The following PAN3 variants were observed in gnomAD, a reference collection of about 807,000 sequenced individuals.
PAN3 encodes the protein PAN2-PAN3 deadenylation complex subunit PAN3.
A neutral mutation model predicts 96.2 loss-of-function variants in PAN3; 19 were observed. The ratio of observed to expected loss-of-function variants is 0.20; its 90% CI spans 0.14 to 0.29. PAN3 has a LOEUF of 0.29. PAN3 is among the 10% of genes least tolerant of loss of function. The pLI, the probability that PAN3 is intolerant of heterozygous loss-of-function variation, is 1.00. For missense variants in PAN3, 882 were observed against 1,108.1 expected (o/e 0.80, Z 2.90); for synonymous variants, 433 against 406.6 (o/e 1.06, Z -0.78).
In PAN3 at chr13:28,283,138, T is replaced by A. The variant is rs1485760733; in HGVS notation, c.2384+1759T>A. On this transcript the variant is annotated intron_variant, in intron 17 of 18. Coordinates refer to ENST00000380958, the MANE Select transcript of PAN3 (RefSeq NM_175854.8). Reference sequence around the variant, plus strand: ...TTCTTGGCTCTCTGCAACCCTCGCCTCCCAGGATCAAGCGATTCTCCTGCC... The same window carrying A: ...TTCTTGGCTCTCTGCAACCCTCGCCACCCAGGATCAAGCGATTCTCCTGCC... Among the ~76,000 whole-genome samples the A allele has an allele frequency of 2.0e-5, 3 of 151,976 alleles. No homozygotes were observed. In the East Asian group the frequency reaches 5.8e-4, roughly 29 times the overall value.
intron 18 of PAN3, among the ~76,000 whole-genome samples, chr13:28,289,610 A>T (rs148358028): frequency 6.6e-6 from 1 of 152,190 alleles, no homozygotes; most frequent in Non-Finnish European, 1.5e-5. Flanking sequence ...GGCTAGGCGC[A>T]GTAGCTCGCG....
At chr13:28,179,648 G>A (rs1875505865) in intron 4 of PAN3, among the ~76,000 whole-genome samples, 2 of 150,848 alleles carry the variant, frequency 1.3e-5, no homozygotes, top group African/African-American at 2.4e-5. Flanking sequence ...AGGCTGCAGT[G>A]AGCCAAGATC....
intron 6 of PAN3, among the ~76,000 whole-genome samples, chr13:28,222,597 A>G (rs1477119299): frequency 2.0e-5 from 3 of 152,288 alleles, no homozygotes; most frequent in South Asian, 4.1e-4. Context: ...CAAAGAAAAA[A>G]TATTTAAGTC....
In PAN3 at chr13:28,197,256, G is replaced by T. The variant is rs2138232790; in HGVS notation, c.762G>T (p.Lys254Asn). 1 of 1,613,344 alleles carries T rather than the reference G, an allele frequency of 6.2e-7. No individual in the cohort carries two copies. Among genetic ancestry groups the T allele is most frequent in the South Asian group, 1.1e-5 (1 of 90,872 alleles). Residue 254 changes from lysine to asparagine, a missense_variant, in exon 5 of 19, where the codon AAG becomes AAT. Around this residue, in one of 3 missense-constraint regions of PAN3, gnomAD observed 442 missense variants for 422.8 expected, o/e 1.05. Coordinates refer to ENST00000380958, the MANE Select transcript of PAN3 (RefSeq NM_175854.8). ...VPMGSKARKA[K>N]NPIGCLADRC... is the part of the protein sequence containing the mutation. Reference sequence around the variant, plus strand: ...TGGGATCAAAGGCACGAAAAGCAAAGAACCCTATTGGCTGCCTTGCTGACA... The same window carrying T: ...TGGGATCAAAGGCACGAAAAGCAAATAACCCTATTGGCTGCCTTGCTGACA...
chr13:28,234,272 T>C (rs1882873337), intron 6 of PAN3, among the ~76,000 whole-genome samples: 1 of 152,162 alleles, frequency 6.6e-6, no homozygotes. Flanking sequence ...TCATAATTCA[T>C]TGCGGCCTTG....
intron 4 of PAN3, among the ~76,000 whole-genome samples, chr13:28,196,026 G>GTT (rs538028701): frequency 1.9e-4 from 26 of 135,154 alleles, no homozygotes; most frequent in African/African-American, 6.5e-4. Flanking sequence ...GTTTTTTTTT[G>GTT]TTTTTTTTTT....
At chr13:28,195,035 A>T (rs1405741939) in intron 4 of PAN3, among the ~76,000 whole-genome samples, 2 of 152,274 alleles carry the variant, frequency 1.3e-5, no homozygotes, top group Admixed American at 1.3e-4. Flanking sequence ...ATAAAAAAAA[A>T]TGTTCCCTAT....
chr13:28,274,862 C>T (rs1436601126), intron 14 of PAN3, among the ~76,000 whole-genome samples: 1 of 152,100 alleles, frequency 6.6e-6, no homozygotes, highest in Non-Finnish European at 1.5e-5. Context: ...TGTGATTTTA[C>T]AGAGAAGAGG....
intron 5 of PAN3, among the ~76,000 whole-genome samples, chr13:28,212,342 G>C (rs1286886): frequency 0.41 from 61,594 of 152,034 alleles, 13,962 homozygotes; most frequent in African/African-American, 0.63. Flanking sequence ...CTGGTAGAAT[G>C]AAACTAATTT....
In PAN3 at chr13:28,197,311, G is replaced by C; in HGVS notation, c.817G>C (p.Val273Leu). The C allele has an allele frequency of 6.2e-7, 1 of 1,610,140 alleles. No homozygotes were observed. The highest frequency in any genetic ancestry group is 8.5e-7 in the Non-Finnish European group (1 of 1,178,074). ...RCKSGVPINM[V>L]WWNRVTENNL... ...TAAATCAGGAGTACCCATCAATATG[G>C]TTTGGTGGAACAGAGTCACAGAAAA... is the stretch of plus-strand genomic sequence containing the variant. The change falls in exon 5 of 19, where the codon GTT becomes CTT. Residue 273 changes from valine (V) to leucine (L), a missense_variant. Coordinates refer to ENST00000380958, the MANE Select transcript of PAN3 (RefSeq NM_175854.8).
chr13:28,223,258 G>A (rs1317724606), intron 6 of PAN3, among the ~76,000 whole-genome samples: 1 of 152,120 alleles, frequency 6.6e-6, no homozygotes, highest in Admixed American at 6.5e-5. Flanking sequence ...GTTAAAATTT[G>A]TGACATGTAT....
rs1869125353 is a variant in PAN3, at chr13:28,138,680, C to T, written c.23C>T (p.Pro8Leu). MNSGGGL[P>L]PPSAAASPSS... ...GCCATGAACAGTGGCGGCGGCCTCC[C>T]GCCCCCCTCGGCCGCCGCCTCCCCT... The change falls in exon 1 of 19, where the codon CCG becomes CTG. Residue 8 changes from proline to leucine, a missense_variant. Physicochemically the swap from Pro to Leu is moderately conservative, Grantham distance 98. Around this residue, in one of 3 missense-constraint regions of PAN3, gnomAD observed 442 missense variants for 422.8 expected, o/e 1.05. Transcript: ENST00000380958. 3 of 900,984 alleles carry T rather than the reference C, an allele frequency of 3.3e-6. No individual in the cohort carries two copies. Among genetic ancestry groups the T allele is most frequent in the South Asian group, 5.3e-5 (2 of 37,640 alleles). 55.8% of individuals were successfully genotyped at this position (900,984 alleles called of 1,614,324 possible).
At chr13:28,178,397 T>C (rs1432380432) in intron 4 of PAN3, among the ~76,000 whole-genome samples, 1 of 152,182 alleles carries the variant, frequency 6.6e-6, no homozygotes, top group Non-Finnish European at 1.5e-5. Context: ...GTTGAAAATC[T>C]CTTCACATTA....
At chr13:28,153,214 A>G (rs977935711) in intron 1 of PAN3, among the ~76,000 whole-genome samples, 2 of 151,872 alleles carry the variant, frequency 1.3e-5, no homozygotes, top group Non-Finnish European at 2.9e-5. Flanking sequence ...AAGAAGTTAC[A>G]AAACTATGTA....
chr13:28,256,553 A>G lies in PAN3; in HGVS notation c.1248+14A>G, dbSNP rs1885157574. ...TTGACTGGAATGGTATGTCTACATTAAAGAGGAAATTTTAGTACTCTCTTG... is the reference window on the plus strand; with the variant it reads ...TTGACTGGAATGGTATGTCTACATTGAAGAGGAAATTTTAGTACTCTCTTG... On this transcript the variant is annotated intron_variant, in intron 7 of 18. Coordinates refer to ENST00000380958, the MANE Select transcript of PAN3 (RefSeq NM_175854.8). The G allele has an allele frequency of 6.2e-7, 1 of 1,601,476 alleles. No homozygotes were observed. Among genetic ancestry groups the G allele is most frequent in the African/African-American group, 1.3e-5 (1 of 74,418 alleles).
At chr13:28,250,565 G>A (rs1593561854) in intron 6 of PAN3, among the ~76,000 whole-genome samples, 2 of 151,932 alleles carry the variant, frequency 1.3e-5, no homozygotes, top group African/African-American at 4.8e-5. Context: ...CGGGGTTTCA[G>A]CATGTTGGCC....
intron 1 of PAN3, among the ~76,000 whole-genome samples, chr13:28,161,842 C>T (rs1279499902): frequency 1.3e-5 from 2 of 152,206 alleles, no homozygotes; most frequent in East Asian, 3.8e-4. Flanking sequence ...GCTCTTCAAA[C>T]AGACAGTATG....
intron 17 of PAN3, among the ~76,000 whole-genome samples, chr13:28,282,645 C>T (rs1008008932): frequency 4.1e-4 from 63 of 152,286 alleles, no homozygotes; most frequent in African/African-American, 1.4e-3. Flanking sequence ...TTTAGTGTTA[C>T]AAAACACCTC....
At chr13:28,210,052 A>G (rs1257708697) in intron 5 of PAN3, among the ~76,000 whole-genome samples, 1 of 152,144 alleles carries the variant, frequency 6.6e-6, no homozygotes, top group African/African-American at 2.4e-5. Context: ...CTAAAGTAGT[A>G]GAATGACAAG....
Sources: gnomAD v4.1 joint callset for allele counts (sites outside exome capture counted in the v4.1 genomes callset) on GRCh38, gnomAD v4.1.1 for gene constraint, gnomAD v4.1.1 regional missense constraint, MANE v1.5 for transcripts, NCBI Gene and HGNC (gene_info 2026-07-23, HGNC 2026-07-21) for gene names.